PIK3R1: variants seen among roughly 807,000 people sequenced by gnomAD.
The protein encoded by PIK3R1 is phosphoinositide-3-kinase regulatory subunit 1.
In PIK3R1, 29 loss-of-function variants were observed where a neutral mutation model predicts 98.0. The observed-to-expected ratio is 0.30, with a 90% CI of 0.22 to 0.40. The LOEUF is 0.40. Ranked by LOEUF, PIK3R1 falls within the 10% of genes least tolerant of loss-of-function variation. The pLI is 1.00. For synonymous variants in PIK3R1, 282 were observed against 311.8 expected (o/e 0.90, Z 1.01); for missense variants, 596 against 872.7 (o/e 0.68, Z 3.99).
intron 2 of PIK3R1, among the ~76,000 whole-genome samples, chr5:68,233,199 T>G (rs955731913): frequency 2.0e-5 from 3 of 152,264 alleles, no homozygotes; most frequent in Admixed American, 2.0e-4. Context: ...ATCATTTACA[T>G]ATCCATGTTT....
chr5:68,249,324 C>T (rs893049840), intron 2 of PIK3R1, among the ~76,000 whole-genome samples: 2 of 152,202 alleles, frequency 1.3e-5, no homozygotes, highest in Non-Finnish European at 2.9e-5. Context: ...GCTTTTTCTA[C>T]TCAATCAACT....
intron 7 of PIK3R1, chr5:68,291,316 T>C (rs1747372783): frequency 6.6e-6 from 1 of 152,306 alleles, no homozygotes; most frequent in Admixed American, 6.5e-5. Flanking sequence ...CATATTAAGA[T>C]ATTATAATGA....
rs1403433747 is a variant in PIK3R1 at position 68,301,016 on chromosome 5, G to A, written c.*3415G>A. Reference sequence around the variant, plus strand: ...GGTTATGAACTAGTAACATGTTTGGGAAGTCCTACTGATGTTCCTTTGGAA... The same window carrying A: ...GGTTATGAACTAGTAACATGTTTGGAAAGTCCTACTGATGTTCCTTTGGAA... On this transcript the variant is annotated 3_prime_UTR_variant, in exon 16 of 16. Transcript: ENST00000521381. 8.6e-6 allele frequency: 2 copies of A among 232,542 alleles called. No homozygotes were observed. The highest frequency in any genetic ancestry group is 1.1e-4 in the Admixed American group (2 of 17,740). 14.4% of individuals were successfully genotyped at this position (232,542 alleles called of 1,614,324 possible).
intron 5 of PIK3R1, 158 bp from the exon 6 acceptor site, chr5:68,280,370 T>C: frequency 1.6e-6 from 1 of 638,882 alleles, no homozygotes; most frequent in South Asian, 2.0e-5. Context: ...ATGCGTTTTC[T>C]AATGAGAAGG....
At chr5:68,256,133 G>A (rs545879171) in intron 2 of PIK3R1, among the ~76,000 whole-genome samples, 46 of 152,266 alleles carry the variant, frequency 3.0e-4, no homozygotes, top group African/African-American at 1.0e-3. Context: ...CAGCCTGAAC[G>A]TGGTTATTAA....
chr5:68,284,173 T>G (rs1746978522), intron 7 of PIK3R1, among the ~76,000 whole-genome samples: 1 of 152,218 alleles, frequency 6.6e-6, no homozygotes, highest in Non-Finnish European at 1.5e-5. Context: ...GAACTGATAA[T>G]TTCTCTGCTA....
Position 68,274,028 on chromosome 5 carries a change from G to A in PIK3R1, c.502+15G>A. On this transcript the variant is annotated intron_variant, in intron 4 of 15. Transcript: ENST00000521381. ...TCTTGATTGTGGTGAGTGTCACAGAGCTAGAAATGCAAATGGGAAAGACAG... is the reference window on the plus strand; with the variant it reads ...TCTTGATTGTGGTGAGTGTCACAGAACTAGAAATGCAAATGGGAAAGACAG... 6.2e-7 allele frequency: 1 copy of A among 1,600,734 alleles called. No individual in the cohort carries two copies. The highest frequency in any genetic ancestry group is 8.6e-7 in the Non-Finnish European group (1 of 1,167,936).
Position 68,280,882 on chromosome 5 carries a change from T to A in PIK3R1, c.837-45T>A, listed in dbSNP as rs367878034. The stretch of plus-strand genomic sequence containing the variant: ...TTGAGTGTATATAAATGAAAATGAG[T>A]TTGCTTTTAGGGAAAAGGTTTCTAA... On this transcript the variant is annotated intron_variant, in intron 6 of 15. Transcript: ENST00000521381. The A allele has an allele frequency of 1.6e-4, 218 of 1,404,266 alleles. No individual in the cohort carries two copies. In the Middle Eastern group the frequency reaches 7.0e-3, roughly 45 times the overall value. The allele number at this position is 1,404,266 out of a possible 1,614,324, so 87.0% of individuals were successfully genotyped here. A position where few individuals can be genotyped will look rare whatever the true frequency, so the allele number is the denominator to read the frequency against.
At chr5:68,292,520 A>G (rs1298497987) in intron 8 of PIK3R1, 159 bp downstream of exon 8, 2 of 1,517,508 alleles carry the variant, frequency 1.3e-6, no homozygotes, top group Admixed American at 3.9e-5. Flanking sequence ...AGCACTGGAG[A>G]ACTGTGGGTG....
At chr5:68,254,570 A>C (rs532027735) in intron 2 of PIK3R1, among the ~76,000 whole-genome samples, 1 of 152,186 alleles carries the variant, frequency 6.6e-6, no homozygotes, top group Non-Finnish European at 1.5e-5. Context: ...ATAAACAGTG[A>C]CCTCATGTCA....
chr5:68,285,701 G>T (rs531626544), intron 7 of PIK3R1, among the ~76,000 whole-genome samples: 5 of 152,236 alleles, frequency 3.3e-5, no homozygotes, highest in African/African-American at 4.8e-5. Flanking sequence ...TTGCAGGGGG[G>T]ACTACTTTAT....
At chr5:68,264,430 T>C (rs895566261) in intron 2 of PIK3R1, among the ~76,000 whole-genome samples, 1 of 152,234 alleles carries the variant, frequency 6.6e-6, no homozygotes, top group African/African-American at 2.4e-5. Context: ...TTCTGTAAAA[T>C]CCTAGCTTTA....
intron 4 of PIK3R1, 87 bp from the exon 5 acceptor site, chr5:68,279,515 C>T (rs1263029960): frequency 8.9e-6 from 8 of 899,172 alleles, no homozygotes; most frequent in East Asian, 2.7e-5. Flanking sequence ...TTTTTTGTCA[C>T]ATGTGAGTCA....
In PIK3R1 at chr5:68,254,262, G is replaced by A. The variant is rs552846575; in HGVS notation, c.335-19128G>A. On this transcript the variant is annotated intron_variant, in intron 2 of 15. Coordinates refer to ENST00000521381, the MANE Select transcript of PIK3R1 (RefSeq NM_181523.3). Reference sequence around the variant, plus strand: ...TAACTTACATATAAACTGTTGAGATGTTTCATTGTTTTGTATGGTCAAGCC... The same window carrying A: ...TAACTTACATATAAACTGTTGAGATATTTCATTGTTTTGTATGGTCAAGCC... Among the ~76,000 whole-genome samples the A allele has an allele frequency of 3.9e-5, 6 of 152,248 alleles. No homozygotes were observed. In the South Asian group the frequency reaches 1.2e-3, roughly 32 times the overall value.
Position 68,279,720 on chromosome 5 carries a change from T to C in PIK3R1, c.621T>C (p.Ile207=), listed in dbSNP as rs61749601. ...CAGCAGCCGTTTACAGTGAAATGAT[T>C]TCTTTAGCTCCAGGTTTGTTTTTTC... is the stretch of plus-strand genomic sequence containing the variant. ...VIPAAVYSEM[I]SLAPEVQSSE... Residue 207 remains isoleucine (I), a synonymous_variant, in exon 5 of 16, where the codon ATT becomes ATC. Transcript: ENST00000521381. The C allele has an allele frequency of 0.035, 56,974 of 1,613,960 alleles. 1,199 individuals are homozygous for C. Among genetic ancestry groups the C allele is most frequent in the South Asian group, 0.05 (4,521 of 91,062 alleles).
rs1324285195 is a variant in PIK3R1, at chr5:68,241,217, A to G, written c.334+14208A>G. 2.0e-5 allele frequency among the ~76,000 whole-genome samples: 3 copies of G among 152,112 alleles called. No individual in the cohort carries two copies. In the East Asian group the frequency reaches 5.8e-4, roughly 29 times the overall value. Reference sequence around the variant, plus strand: ...AGTAATTAAGGCCTCCTAAAATGAGAGGAAAAAAAATCTTTTGTTTATAAG... The same window carrying G: ...AGTAATTAAGGCCTCCTAAAATGAGGGGAAAAAAAATCTTTTGTTTATAAG... On this transcript the variant is annotated intron_variant, in intron 2 of 15. Coordinates refer to ENST00000521381, the MANE Select transcript of PIK3R1 (RefSeq NM_181523.3).
intron 2 of PIK3R1, 142 bp from the exon 3 acceptor site, chr5:68,273,248 G>A: frequency 1.3e-6 from 1 of 755,430 alleles, no homozygotes; most frequent in East Asian, 2.4e-5. Flanking sequence ...TATCACTTTG[G>A]CCTGGAAAGT....
Position 68,296,223 on chromosome 5 carries a change from A to ACATGGAATGTTGGAAGCAGCAACC in PIK3R1, c.1868_1891dup (p.Asn630_Arg631insProTrpAsnValGlySerSerAsn). On this transcript the variant is annotated inframe_insertion, in exon 15 of 16. Coordinates refer to ENST00000521381, the MANE Select transcript of PIK3R1 (RefSeq NM_181523.3). ...AGATTTGCCCCATCATGATGAGAAG[A>ACATGGAATGTTGGAAGCAGCAACC]CATGGAATGTTGGAAGCAGCAACCG... 1 of 1,614,194 alleles carries ACATGGAATGTTGGAAGCAGCAACC rather than the reference A, an allele frequency of 6.2e-7. No individual in the cohort carries two copies. Among genetic ancestry groups the ACATGGAATGTTGGAAGCAGCAACC allele is most frequent in the Non-Finnish European group, 8.5e-7 (1 of 1,180,024 alleles).
intron 5 of PIK3R1, 171 bp from the exon 6 acceptor site, chr5:68,280,357 A>G (rs1329439392): frequency 4.9e-6 from 3 of 618,494 alleles, no homozygotes; most frequent in Non-Finnish European, 5.7e-6. Context: ...CTACTTTCTC[A>G]TAATGCGTTT....
Sources: allele counts gnomAD v4.1 joint callset (sites outside exome capture counted in the v4.1 genomes callset), GRCh38; gene constraint gnomAD v4.1.1; transcripts MANE v1.5; gene names NCBI Gene and HGNC (gene_info 2026-07-23, HGNC 2026-07-21).